PGGT1B: variants seen among roughly 807,000 people sequenced by gnomAD.
PGGT1B encodes protein geranylgeranyltransferase type I subunit beta.
PGGT1B carries 30 observed loss-of-function variants against 46.1 expected under a neutral mutation model. The observed-to-expected ratio is 0.65, with a 90% CI of 0.49 to 0.88. PGGT1B has a LOEUF of 0.88. Among genes scored for constraint, PGGT1B ranks in the 40% least tolerant of loss-of-function variants. PGGT1B has a pLI of 0.00. For missense variants in PGGT1B, 376 were observed against 455.9 expected, an observed-to-expected ratio of 0.82 and a Z score of 1.60; for synonymous variants, 170 against 160.0, an observed-to-expected ratio of 1.06 and a Z score of -0.47.
chr5:115,219,097 A>G (rs1251725308), intron 7 of PGGT1B, among the ~76,000 whole-genome samples: 1 of 151,940 alleles, frequency 6.6e-6, no homozygotes, highest in Non-Finnish European at 1.5e-5. Flanking sequence ...GAAATGGGAA[A>G]GTCAATTACC....
intron 1 of PGGT1B, among the ~76,000 whole-genome samples, chr5:115,256,210 C>A (rs939592490): frequency 6.6e-6 from 1 of 152,136 alleles, no homozygotes; most frequent in African/African-American, 2.4e-5. Flanking sequence ...GTAAAAGCCA[C>A]GGCTGCTGCT....
In PGGT1B at chr5:115,262,824, C is replaced by A. The variant is rs372068908; in HGVS notation, c.28G>T (p.Ala10Ser). MAATEDERL[A>S]GSGEGERLDF... is the part of the protein sequence containing the mutation. ...AGCCGCTCTCCCTCACCGCTCCCTGCTAGCCTCTCATCCTCAGTGGCCGCC... is the reference window on the plus strand; with the variant it reads ...AGCCGCTCTCCCTCACCGCTCCCTGATAGCCTCTCATCCTCAGTGGCCGCC... Residue 10 changes from alanine (A) to serine (S), a missense_variant, in exon 1 of 9, where the codon GCA (alanine) becomes TCA (serine). Ala to Ser is a moderately conservative substitution (Grantham distance 99). Around this residue, in one of 2 missense-constraint regions of PGGT1B, gnomAD observed 154 missense variants for 142.3 expected, o/e 1.08. Coordinates refer to ENST00000419445, the MANE Select transcript of PGGT1B (RefSeq NM_005023.4). 2 of 1,612,538 alleles carry A rather than the reference C, an allele frequency of 1.2e-6. No individual in the cohort carries two copies. The highest frequency in any genetic ancestry group is 1.7e-6 in the Non-Finnish European group (2 of 1,179,926).
At chr5:115,228,070 G>A (rs1226682669) in intron 6 of PGGT1B, among the ~76,000 whole-genome samples, 3 of 152,142 alleles carry the variant, frequency 2.0e-5, no homozygotes, top group South Asian at 2.1e-4. Flanking sequence ...ATAAATCTAC[G>A]TTATTTCTGA....
At chr5:115,250,409 C>A (rs959632534) in intron 2 of PGGT1B, among the ~76,000 whole-genome samples, 4 of 152,244 alleles carry the variant, frequency 2.6e-5, no homozygotes, top group Admixed American at 1.3e-4. Flanking sequence ...ACTACTGATA[C>A]ACAATAAGCA....
rs1214607176 is a variant in PGGT1B at position 115,204,711 on chromosome 5, C to T, written c.*7691G>A. 6.6e-6 allele frequency: 1 copy of T among 152,022 alleles called. No individual in the cohort carries two copies. The highest frequency in any genetic ancestry group is 1.5e-5 in the Non-Finnish European group (1 of 67,988). The allele number at this position is 152,022 out of a possible 1,614,324, so 9.4% of individuals were successfully genotyped here. A position where few individuals can be genotyped will look rare whatever the true frequency, so the allele number is the denominator to read the frequency against. On this transcript the variant is annotated 3_prime_UTR_variant, in exon 9 of 9. Transcript: ENST00000419445. ...GCAGTAACTACCAATATTTTTAAAG[C>T]ATAAATCCTTTAGTCCAGGAAATTC...
intron 5 of PGGT1B, among the ~76,000 whole-genome samples, chr5:115,235,813 T>G (rs1264944352): frequency 2.6e-5 from 4 of 152,100 alleles, no homozygotes; most frequent in Non-Finnish European, 5.9e-5. Context: ...CATTTTGAAA[T>G]ATTGCCTATG....
In PGGT1B at chr5:115,236,415, G is replaced by C; in HGVS notation, c.587C>G (p.Ala196Gly). The C allele has an allele frequency of 6.3e-7, 1 of 1,594,700 alleles. No individual in the cohort carries two copies. The highest frequency in any genetic ancestry group is 8.5e-7 in the Non-Finnish European group (1 of 1,172,980). ...CATACTCCTTCTAATATAGGTGATGGCTTTTTTCATATCCATGCCTGACCA... is the reference window on the plus strand; with the variant it reads ...CATACTCCTTCTAATATAGGTGATGCCTTTTTTCATATCCATGCCTGACCA... ...NNWSGMDMKK[A>G]ITYIRRSMSY... is the part of the protein sequence containing the mutation. The change falls in exon 5 of 9, where the codon GCC becomes GGC. Residue 196 changes from alanine to glycine, a missense_variant. By Grantham distance (60) the Ala-to-Gly change is moderately conservative. Transcript: ENST00000419445.
chr5:115,253,262 GA>G lies in PGGT1B; in HGVS notation c.141-8del, dbSNP rs776485578. On this transcript the variant is annotated splice_region_variant and splice_polypyrimidine_tract_variant and intron_variant, in intron 1 of 8. Transcript: ENST00000419445. ...AAAAAATGCAATTGTCAACCTAAAA[GA>G]AAAAAATGTAAAATTCCATCTTAAC... 2.6e-6 allele frequency: 4 copies of G among 1,565,590 alleles called. No homozygotes were observed. The African/African-American group carries it at 4.2e-5, about 16-fold the overall frequency.
chr5:115,224,980 TTGGGGCTGAA>T (rs1312294853), intron 6 of PGGT1B, among the ~76,000 whole-genome samples: 1 of 152,086 alleles, frequency 6.6e-6, no homozygotes, highest in Non-Finnish European at 1.5e-5. Context: ...GAATATCTTT[TTGGGGCTGAA>T]TGGGGTTAGA....
intron 5 of PGGT1B, among the ~76,000 whole-genome samples, chr5:115,232,939 CA>C (rs1300879499): frequency 6.6e-6 from 1 of 151,812 alleles, no homozygotes; most frequent in Non-Finnish European, 1.5e-5. Flanking sequence ...ACCTGAGAAA[CA>C]AAAGAGAACC....
intron 6 of PGGT1B, among the ~76,000 whole-genome samples, chr5:115,226,572 G>C (rs571693978): frequency 6.6e-6 from 1 of 151,780 alleles, no homozygotes; most frequent in Non-Finnish European, 1.5e-5. Flanking sequence ...ATTTAAATTG[G>C]GGAATGAGAA....
chr5:115,235,992 TC>T (rs1757172007), intron 5 of PGGT1B, among the ~76,000 whole-genome samples: 3 of 152,086 alleles, frequency 2.0e-5, no homozygotes, highest in South Asian at 2.1e-4. Context: ...GACTAAGCTT[TC>T]CTTACTAATG....
chr5:115,235,268 T>C (rs1757143213), intron 5 of PGGT1B, among the ~76,000 whole-genome samples: 1 of 151,090 alleles, frequency 6.6e-6, no homozygotes, highest in African/African-American at 2.5e-5. Context: ...GAGATATAAA[T>C]AAGTAAGTAT....
intron 1 of PGGT1B, among the ~76,000 whole-genome samples, chr5:115,256,211 G>A (rs1052583822): frequency 2.6e-5 from 4 of 152,108 alleles, no homozygotes; most frequent in Non-Finnish European, 4.4e-5. Context: ...TAAAAGCCAC[G>A]GCTGCTGCTA....
chr5:115,206,193 A>G lies in PGGT1B; in HGVS notation c.*6209T>C, dbSNP rs1756058196. On this transcript the variant is annotated 3_prime_UTR_variant, in exon 9 of 9. Coordinates refer to ENST00000419445, the MANE Select transcript of PGGT1B (RefSeq NM_005023.4). The stretch of plus-strand genomic sequence containing the variant: ...GTAATACTTAAATGTTCAGATATTT[A>G]AAGAATATTCTCTATTTCTATATCT... The G allele has an allele frequency of 6.6e-6, 1 of 152,020 alleles. No individual in the cohort carries two copies. The highest frequency in any genetic ancestry group is 2.4e-5 in the African/African-American group (1 of 41,548). 9.4% of individuals were successfully genotyped at this position (152,020 alleles called of 1,614,324 possible).
At chr5:115,243,704 C>T (rs999684769) in intron 2 of PGGT1B, among the ~76,000 whole-genome samples, 2 of 152,142 alleles carry the variant, frequency 1.3e-5, no homozygotes, top group African/African-American at 4.8e-5. Context: ...GCAGGGCTAC[C>T]TTCCTTACTT....
At chr5:115,231,683 A>C (rs940360453) in intron 5 of PGGT1B, 3 of 152,030 alleles carry the variant, frequency 2.0e-5, no homozygotes, top group Non-Finnish European at 4.4e-5. Context: ...AGGGGAGCTA[A>C]CAGTAGTTCT....
At chr5:115,224,254 T>G (rs1444300705) in intron 6 of PGGT1B, among the ~76,000 whole-genome samples, 3 of 152,206 alleles carry the variant, frequency 2.0e-5, no homozygotes, top group Admixed American at 2.0e-4. Context: ...CATCATTAAA[T>G]ATAAAGTCTC....
At position 115,254,450 on chromosome 5, in the gene PGGT1B, T is replaced by C. The variant is rs545799617; in HGVS notation, c.141-1195A>G. Among the ~76,000 whole-genome samples, 79 of 152,240 alleles carry C rather than the reference T, an allele frequency of 5.2e-4. 3 individuals carry two copies. In the South Asian group the frequency reaches 0.014, roughly 28 times the overall value. ...AACAATTTTGTGCATGAAACAAAGT[T>C]AGTGTTAAGCACTTATGTGTGGAAT... On this transcript the variant is annotated intron_variant, in intron 1 of 8. Coordinates refer to ENST00000419445, the MANE Select transcript of PGGT1B (RefSeq NM_005023.4).
Sources: allele counts gnomAD v4.1 joint callset (sites outside exome capture counted in the v4.1 genomes callset), GRCh38; gene constraint gnomAD v4.1.1; regional missense constraint gnomAD v4.1.1; transcripts MANE v1.5; gene names NCBI Gene and HGNC (gene_info 2026-07-23, HGNC 2026-07-21).